PTPRF: variants seen among roughly 807,000 people sequenced by gnomAD.
The protein encoded by PTPRF is protein tyrosine phosphatase receptor type F.
PTPRF carries 59 observed loss-of-function variants against 201.8 expected under a neutral mutation model. That is an observed-to-expected ratio of 0.29 (90% CI 0.24 to 0.36). PTPRF has a LOEUF of 0.36. PTPRF is among the 10% of genes least tolerant of loss of function. PTPRF has a pLI of 1.00. For missense variants in PTPRF, 2,132 were observed against 2,690.5 expected (o/e 0.79, Z 4.59); for synonymous variants, 1,088 against 1,089.7 (o/e 1.00, Z 0.03).
chr1:43,584,142 G>T (rs1354403320), intron 7 of PTPRF, among the ~76,000 whole-genome samples: 1 of 152,182 alleles, frequency 6.6e-6, no homozygotes, highest in African/African-American at 2.4e-5. Flanking sequence ...GGGGTTGGCA[G>T]CAGGGGCTAG....
intron 6 of PTPRF, among the ~76,000 whole-genome samples, chr1:43,572,940 C>T (rs1379973509): frequency 1.3e-5 from 2 of 152,050 alleles, no homozygotes; most frequent in Non-Finnish European, 2.9e-5. Context: ...GCTGCACATT[C>T]CCAGCTTCTC....
At chr1:43,582,167 G>C (rs1368748555) in intron 7 of PTPRF, among the ~76,000 whole-genome samples, 1 of 152,200 alleles carries the variant, frequency 6.6e-6, no homozygotes, top group African/African-American at 2.4e-5. Flanking sequence ...GTCGCTCTCT[G>C]AGGCCACGCG....
At chr1:43,544,016 G>A (rs771935687) in intron 2 of PTPRF, among the ~76,000 whole-genome samples, 1 of 152,202 alleles carries the variant, frequency 6.6e-6, no homozygotes. Flanking sequence ...TGATAGCAGC[G>A]TATCTCCCAT....
intron 10 of PTPRF, 62 bp downstream of exon 10, chr1:43,592,010 T>C: frequency 6.3e-7 from 1 of 1,599,406 alleles, no homozygotes; most frequent in Non-Finnish European, 8.5e-7. Flanking sequence ...TGTGATGGGC[T>C]TAACCCAGGA....
chr1:43,574,628 A>G (rs1315699131), intron 6 of PTPRF, among the ~76,000 whole-genome samples: 1 of 152,220 alleles, frequency 6.6e-6, no homozygotes, highest in Non-Finnish European at 1.5e-5. Flanking sequence ...TATAAAGCAA[A>G]TAATTTCTTA....
intron 2 of PTPRF, among the ~76,000 whole-genome samples, chr1:43,540,529 A>T (rs1644296051): frequency 6.6e-6 from 1 of 152,214 alleles, no homozygotes; most frequent in Non-Finnish European, 1.5e-5. Context: ...CTTAGGGGTT[A>T]CAGCCGCAGG....
upstream of PTPRF, among the ~76,000 whole-genome samples, chr1:43,522,931 G>A (rs182368822): frequency 1.6e-4 from 25 of 152,302 alleles, no homozygotes; most frequent in East Asian, 1.9e-4. Context: ...CCCCATTTGC[G>A]GCTGCAGCGC....
chr1:43,620,576 C>G lies in PTPRF; in HGVS notation c.5361C>G (p.Ala1787=). 6.2e-7 allele frequency: 1 copy of G among 1,613,488 alleles called. No homozygotes were observed. The highest frequency in any genetic ancestry group is 1.7e-4 in the Middle Eastern group (1 of 6,058). Residue 1787 remains alanine (A), a synonymous_variant, in exon 31 of 34, where the codon GCC becomes GCG. Transcript: ENST00000359947. ...TGCGTGAGTTCAAGGTCACGGATGC[C>G]CGGGTGAGTGAGTGCATTGAGTGTG... The part of the protein sequence containing the change: ...YILREFKVTD[A]RDGQSRTIRQ...
Position 43,598,835 on chromosome 1 carries a change from G to A in PTPRF, c.2235G>A (p.Gln745=), listed in dbSNP as rs762860244. Residue 745 remains glutamine (Q), a synonymous_variant, in exon 13 of 34, where the codon CAG becomes CAA. Transcript: ENST00000359947. ...AGCATGGCCAGATCCGCGGCTACCA[G>A]GTCACCTACGTGCGGCTGGAGAATG... ...SKQHGQIRGY[Q]VTYVRLENGE... 1.2e-6 allele frequency: 2 copies of A among 1,614,206 alleles called. No homozygotes were observed. Among genetic ancestry groups the A allele is most frequent in the Non-Finnish European group, 8.5e-7 (1 of 1,180,028 alleles).
intron 22 of PTPRF, 100 bp downstream of exon 22, chr1:43,609,598 C>T (rs1436361802): frequency 5.0e-6 from 4 of 797,708 alleles, no homozygotes; most frequent in East Asian, 5.4e-5. Context: ...TCCTGGGCCG[C>T]ATGCACTTGT....
intron 2 of PTPRF, among the ~76,000 whole-genome samples, chr1:43,541,214 T>C: frequency 6.6e-6 from 1 of 152,152 alleles, no homozygotes; most frequent in Non-Finnish European, 1.5e-5. Flanking sequence ...AAACAGGTGG[T>C]ATTTGGAGAC....
In PTPRF at chr1:43,591,155, G is replaced by A; in HGVS notation, c.1133G>A (p.Gly378Asp). The A allele has an allele frequency of 6.2e-7, 1 of 1,613,340 alleles. No individual in the cohort carries two copies. The highest frequency in any genetic ancestry group is 8.5e-7 in the Non-Finnish European group (1 of 1,179,968). ...GCCACCACCCGCTACAGCATTGGCG[G>A]CCTCAGCCCTTTCTCGGAATATGCC... ...GVATTRYSIG[G>D]LSPFSEYAFR... Residue 378 changes from glycine (G) to aspartate (D), a missense_variant, in exon 9 of 34, where the codon GGC (glycine) becomes GAC (aspartate). Gly to Asp is a moderately conservative substitution (Grantham distance 94). Coordinates refer to ENST00000359947, the MANE Select transcript of PTPRF (RefSeq NM_002840.5).
chr1:43,604,385 C>T (rs926454507), intron 16 of PTPRF, among the ~76,000 whole-genome samples, 196 bp downstream of exon 16: 1 of 152,230 alleles, frequency 6.6e-6, no homozygotes, highest in Non-Finnish European at 1.5e-5. Flanking sequence ...CTGTCCTTAA[C>T]CTACTGACCT....
intron 5 of PTPRF, among the ~76,000 whole-genome samples, chr1:43,559,410 A>G (rs959063489): frequency 6.6e-6 from 1 of 152,088 alleles, no homozygotes; most frequent in Non-Finnish European, 1.5e-5. Flanking sequence ...CTATGTATAC[A>G]GCAAGGCATA....
At chr1:43,549,577 G>T (rs1449328743) in intron 3 of PTPRF, among the ~76,000 whole-genome samples, 1 of 152,186 alleles carries the variant, frequency 6.6e-6, no homozygotes, top group Admixed American at 6.5e-5. Context: ...TAAAGAAGCC[G>T]GGTGTGGTGG....
intron 8 of PTPRF, among the ~76,000 whole-genome samples, chr1:43,590,735 T>C (rs1449477232): frequency 6.6e-6 from 1 of 152,204 alleles, no homozygotes; most frequent in Non-Finnish European, 1.5e-5. Context: ...ACAGTTGATA[T>C]GTGTACATAC....
intron 5 of PTPRF, among the ~76,000 whole-genome samples, chr1:43,566,639 T>A (rs1445799878): frequency 6.6e-6 from 1 of 152,212 alleles, no homozygotes; most frequent in Non-Finnish European, 1.5e-5. Flanking sequence ...AAAGGGCTGC[T>A]GTACTTGGCT....
chr1:43,597,353 TGTGACACTGTGA>T (rs1652577410), intron 11 of PTPRF, among the ~76,000 whole-genome samples: 1 of 151,860 alleles, frequency 6.6e-6, no homozygotes, highest in South Asian at 2.1e-4. Context: ...TATGTATGTG[TGTGACACTGTGA>T]GAGACACTGT....
intron 5 of PTPRF, among the ~76,000 whole-genome samples, chr1:43,562,567 C>T (rs1012938177): frequency 6.6e-6 from 1 of 151,038 alleles, no homozygotes; most frequent in Non-Finnish European, 1.5e-5. Flanking sequence ...CCACCACGCC[C>T]GGCTAATTTT....
Sources: gnomAD v4.1 joint callset for allele counts (sites outside exome capture counted in the v4.1 genomes callset) on GRCh38, gnomAD v4.1.1 for gene constraint, MANE v1.5 for transcripts, NCBI Gene and HGNC (gene_info 2026-07-23, HGNC 2026-07-21) for gene names.